JAZF1: variants seen among roughly 807,000 people sequenced by gnomAD.
The protein encoded by JAZF1 is JAZF zinc finger 1, also known as juxtaposed with another zinc finger protein 1.
JAZF1 carries 8 observed loss-of-function variants against 26.4 expected under a neutral mutation model. The observed-to-expected ratio is 0.30, with a 90% CI of 0.18 to 0.55. The LOEUF is 0.55. Ranked by LOEUF, JAZF1 falls within the 20% of genes least tolerant of loss-of-function variation. The pLI is 0.94. For missense variants in JAZF1, 199 were observed against 322.0 expected (o/e 0.62, Z 2.92); for synonymous variants, 126 against 122.3 (o/e 1.03, Z -0.20).
At chr7:27,991,885 T>C in intron 2 of JAZF1, 24 bp downstream of exon 2, 2 of 1,296,962 alleles carry the variant, frequency 1.5e-6, no homozygotes, top group Non-Finnish European at 2.2e-6. Flanking sequence ...AAGGTTGTTA[T>C]AATAAATTCT....
intron 2 of JAZF1, among the ~76,000 whole-genome samples, chr7:27,911,571 CTTAAT>C (rs924749751): frequency 1.6e-4 from 25 of 152,268 alleles, no homozygotes; most frequent in African/African-American, 4.8e-4. Context: ...TTTAATTTTA[CTTAAT>C]TTAAGTAGCC....
chr7:27,927,641 G>A (rs542628916), intron 2 of JAZF1, among the ~76,000 whole-genome samples: 1 of 152,176 alleles, frequency 6.6e-6, no homozygotes, highest in East Asian at 1.9e-4. Flanking sequence ...GGGCCTCATA[G>A]AATCATCAAG....
At chr7:27,916,850 G>A (rs1784449778) in intron 2 of JAZF1, among the ~76,000 whole-genome samples, 1 of 152,230 alleles carries the variant, frequency 6.6e-6, no homozygotes. Flanking sequence ...GTCCATGTCG[G>A]TGAGTGACTG....
intron 1 of JAZF1, among the ~76,000 whole-genome samples, chr7:28,000,475 CTTCTAGGTGATAATTTGTTGTT>C (rs1786123605): frequency 6.6e-6 from 1 of 152,156 alleles, no homozygotes; most frequent in Non-Finnish European, 1.5e-5. Context: ...TCCTAGATTG[CTTCTAGGTGATAATTTGTTGTT>C]TTCTGCAGTC....
At chr7:27,987,590 A>T (rs1445870461) in intron 2 of JAZF1, among the ~76,000 whole-genome samples, 1 of 148,978 alleles carries the variant, frequency 6.7e-6, no homozygotes, top group Non-Finnish European at 1.5e-5. Flanking sequence ...CCGCCCGGCC[A>T]GCCGCCCCGT....
chr7:27,845,469 CG>C (rs1783003003), intron 3 of JAZF1, among the ~76,000 whole-genome samples: 1 of 152,016 alleles, frequency 6.6e-6, no homozygotes, highest in Admixed American at 6.6e-5. Context: ...GAGGCCGAGG[CG>C]GGTGGATCAC....
At chr7:27,911,412 G>C (rs1370774915) in intron 2 of JAZF1, among the ~76,000 whole-genome samples, 1 of 152,080 alleles carries the variant, frequency 6.6e-6, no homozygotes, top group African/African-American at 2.4e-5. Flanking sequence ...CAGGTAGTTT[G>C]CCCAAGGACC....
At chr7:28,141,663 A>G (rs1176625364) in intron 1 of JAZF1, among the ~76,000 whole-genome samples, 4 of 152,230 alleles carry the variant, frequency 2.6e-5, no homozygotes, top group Non-Finnish European at 4.4e-5. Context: ...CAGTAAGTTC[A>G]GCAGTTACTG....
intron 1 of JAZF1, among the ~76,000 whole-genome samples, chr7:28,115,886 CATACTATATATGGTTCT>C (rs1441323939): frequency 6.6e-6 from 1 of 151,414 alleles, no homozygotes; most frequent in African/African-American, 2.5e-5. Flanking sequence ...TCAAAGGGAG[CATACTATATATGGTTCT>C]ATACTTTGGT....
intron 1 of JAZF1, among the ~76,000 whole-genome samples, chr7:28,041,854 G>A (rs989271090): frequency 2.0e-5 from 3 of 152,140 alleles, no homozygotes; most frequent in African/African-American, 7.2e-5. Flanking sequence ...AAACTGGCAG[G>A]GAGTCATTTC....
chr7:28,099,443 G>C (rs1331877036), intron 1 of JAZF1, among the ~76,000 whole-genome samples: 3 of 151,844 alleles, frequency 2.0e-5, no homozygotes, highest in African/African-American at 7.3e-5. Flanking sequence ...CACCAACATG[G>C]GGGAGAGGAG....
In JAZF1 at chr7:28,110,598, AAAAGGAAAAGGAAAGGAAAAGG is replaced by A. The variant is rs1459242351; in HGVS notation, c.115+69843_115+69864del. On this transcript the variant is annotated intron_variant, in intron 1 of 4. Transcript: ENST00000283928. ...GAAAGGGAAAAGGAAAAGGAAAAGG[AAAAGGAAAAGGAAAGGAAAAGG>A]AAAGGAAAGGAAAGGAAAAGGAAAG... Among the ~76,000 whole-genome samples the A allele has an allele frequency of 3.0e-4, 33 of 109,764 alleles. No homozygotes were observed. In the South Asian group the frequency reaches 5.9e-3, roughly 19 times the overall value. The allele number at this position is 109,764 out of a possible 152,430, so 72.0% of individuals were successfully genotyped here.
intron 1 of JAZF1, among the ~76,000 whole-genome samples, chr7:28,179,621 G>T (rs1783603261): frequency 6.6e-6 from 1 of 150,582 alleles, no homozygotes; most frequent in South Asian, 2.1e-4. Context: ...CGACCCCGGG[G>T]CGCTGGGCGC....
At chr7:28,147,294 G>A (rs1373874231) in intron 1 of JAZF1, among the ~76,000 whole-genome samples, 1 of 151,990 alleles carries the variant, frequency 6.6e-6, no homozygotes, top group East Asian at 1.9e-4. Context: ...CAATTTTAGA[G>A]TATTTTGGAT....
At chr7:27,943,192 T>C (rs1278194466) in intron 2 of JAZF1, among the ~76,000 whole-genome samples, 1 of 152,152 alleles carries the variant, frequency 6.6e-6, no homozygotes, top group Non-Finnish European at 1.5e-5. Flanking sequence ...CTGTCTCAAG[T>C]GAACCCCTAT....
intron 2 of JAZF1, among the ~76,000 whole-genome samples, chr7:27,964,927 T>C (rs1011116193): frequency 6.6e-5 from 10 of 152,162 alleles, no homozygotes; most frequent in Non-Finnish European, 8.8e-5. Context: ...CTGGAATTTA[T>C]TGCGGTATCT....
At chr7:28,070,262 G>A (rs1472170537) in intron 1 of JAZF1, among the ~76,000 whole-genome samples, 1 of 152,148 alleles carries the variant, frequency 6.6e-6, no homozygotes, top group African/African-American at 2.4e-5. Flanking sequence ...CCAAAAGAGA[G>A]AGAACAGTCT....
chr7:27,847,577 A>C (rs1783054296), intron 3 of JAZF1, among the ~76,000 whole-genome samples: 1 of 152,126 alleles, frequency 6.6e-6, no homozygotes, highest in Non-Finnish European at 1.5e-5. Flanking sequence ...CCTCGTCAAA[A>C]AGCAGTTGAA....
chr7:28,165,396 G>A (rs1383208248), intron 1 of JAZF1, among the ~76,000 whole-genome samples: 1 of 152,084 alleles, frequency 6.6e-6, no homozygotes, highest in Non-Finnish European at 1.5e-5. Context: ...GTCCCTAGGG[G>A]CTTTGAAGGT....
Sources: gnomAD v4.1 joint callset for allele counts (sites outside exome capture counted in the v4.1 genomes callset) on GRCh38, gnomAD v4.1.1 for gene constraint, MANE v1.5 for transcripts, NCBI Gene and HGNC (gene_info 2026-07-23, HGNC 2026-07-21) for gene names.